ADAM12: variants seen among roughly 807,000 people sequenced by gnomAD.
ADAM12 encodes the protein disintegrin and metalloproteinase domain-containing protein 12.
In ADAM12, 70 loss-of-function variants were observed where a neutral mutation model predicts 106.4. The observed-to-expected ratio is 0.66, with a 90% confidence interval of 0.54 to 0.80. The LOEUF (loss-of-function observed/expected upper bound fraction) is 0.80, where lower values mean the gene tolerates loss of function less well. ADAM12 is among the 30% of genes least tolerant of loss of function. The pLI is 0.00. For synonymous variants in ADAM12, 420 were observed against 433.5 expected (o/e 0.97, Z 0.39); for missense variants, 1,010 against 1,171.9 (o/e 0.86, Z 2.02).
intron 12 of ADAM12, among the ~76,000 whole-genome samples, chr10:126,069,114 G>T (rs1954931775): frequency 6.6e-6 from 1 of 152,122 alleles, no homozygotes; most frequent in Non-Finnish European, 1.5e-5. Context: ...CTGAGCACTG[G>T]GTAGGGGGAT....
chr10:126,050,709 C>T (rs980035184), intron 14 of ADAM12, among the ~76,000 whole-genome samples: 1 of 152,206 alleles, frequency 6.6e-6, no homozygotes, highest in East Asian at 1.9e-4. Flanking sequence ...CATCCCCCTT[C>T]GTTAGCCTGC....
chr10:126,344,022 T>G (rs1465814697), intron 1 of ADAM12, among the ~76,000 whole-genome samples: 1 of 152,242 alleles, frequency 6.6e-6, no homozygotes, highest in Non-Finnish European at 1.5e-5. Flanking sequence ...GCTCTTTAGT[T>G]TAATTAGATC....
chr10:126,123,371 G>A (rs950578058), intron 5 of ADAM12, among the ~76,000 whole-genome samples: 26 of 152,186 alleles, frequency 1.7e-4, no homozygotes, highest in Admixed American at 1.2e-3. Context: ...TGGACTTTGC[G>A]TGTGGGGTTC....
chr10:126,214,556 C>T (rs1053667808), intron 3 of ADAM12, among the ~76,000 whole-genome samples: 2 of 152,136 alleles, frequency 1.3e-5, no homozygotes, highest in Non-Finnish European at 2.9e-5. Flanking sequence ...GTGGCTGCCT[C>T]TAAAAGAAGA....
chr10:126,202,279 T>G (rs1957716596), intron 3 of ADAM12, among the ~76,000 whole-genome samples: 1 of 152,242 alleles, frequency 6.6e-6, no homozygotes, highest in Non-Finnish European at 1.5e-5. Flanking sequence ...CCATAATTGT[T>G]GGTTAATTTG....
In ADAM12 at chr10:126,101,217, T is replaced by C. The variant is rs760859428; in HGVS notation, c.766A>G (p.Ile256Val). The change falls in exon 9 of 23, where the codon ATC becomes GTC. Residue 256 changes from isoleucine to valine, a missense_variant. Around this residue, in one of 3 missense-constraint regions of ADAM12, gnomAD observed 391 missense variants for 442.9 expected, o/e 0.88. Coordinates refer to ENST00000448723, the MANE Select transcript of ADAM12 (RefSeq NM_001288973.2). ...DKFYRPLNIR[I>V]VLVGVEVWND... ...CACACTTCCACGCCTACCAACACGA[T>C]CCGAATGTTCAGTGGTCTGTAAAAC... is the stretch of plus-strand genomic sequence containing the variant. 5 of 1,613,990 alleles carry C rather than the reference T, an allele frequency of 3.1e-6. No individual in the cohort carries two copies. The highest frequency in any genetic ancestry group is 4.2e-6 in the Non-Finnish European group (5 of 1,179,968).
intron 3 of ADAM12, among the ~76,000 whole-genome samples, chr10:126,247,594 A>G (rs796161305): frequency 1.1e-4 from 17 of 152,288 alleles, no homozygotes; most frequent in African/African-American, 3.9e-4. Flanking sequence ...AGTCATAAGG[A>G]CCCGATGGCA....
At chr10:126,343,130 T>C (rs1157994034) in intron 1 of ADAM12, among the ~76,000 whole-genome samples, 1 of 152,116 alleles carries the variant, frequency 6.6e-6, no homozygotes, top group African/African-American at 2.4e-5. Flanking sequence ...ACCCATTAAC[T>C]CGTCAGTCAT....
intron 14 of ADAM12, among the ~76,000 whole-genome samples, chr10:126,055,609 C>T (rs1329214731): frequency 1.3e-5 from 2 of 152,144 alleles, no homozygotes; most frequent in East Asian, 1.9e-4. Flanking sequence ...GGGTTTGTCT[C>T]ATGGGTTTAA....
chr10:126,159,081 G>A (rs370757888), intron 3 of ADAM12, among the ~76,000 whole-genome samples: 103 of 152,166 alleles, frequency 6.8e-4, no homozygotes, highest in African/African-American at 2.3e-3. Context: ...AGGCCAAGGC[G>A]GGCAGATCAC....
intron 4 of ADAM12, among the ~76,000 whole-genome samples, chr10:126,138,251 G>A (rs1956442685): frequency 6.6e-6 from 1 of 152,126 alleles, no homozygotes; most frequent in African/African-American, 2.4e-5. Flanking sequence ...GGATTTTGGT[G>A]TTTTTATTGT....
At chr10:126,240,851 G>A (rs1048256885) in intron 3 of ADAM12, among the ~76,000 whole-genome samples, 4 of 152,324 alleles carry the variant, frequency 2.6e-5, no homozygotes, top group East Asian at 3.9e-4. Context: ...AGAGCCCCCC[G>A]GGAGCTCCAC....
In ADAM12 at chr10:126,337,135, C is replaced by CCGT. The variant is rs146318255; in HGVS notation, c.89-6629_89-6627dup. Among the ~76,000 whole-genome samples the CCGT allele has an allele frequency of 6.2e-3, 949 of 152,310 alleles. 7 individuals are homozygous for CCGT. Among genetic ancestry groups the CCGT allele is most frequent in the African/African-American group, 0.022 (906 of 41,550 alleles). On this transcript the variant is annotated intron_variant, in intron 1 of 22. Coordinates refer to ENST00000448723, the MANE Select transcript of ADAM12 (RefSeq NM_001288973.2). ...TTACAAGGCGACGTCCCAGGACAGG[C>CCGT]CGTCTGCAAGCTGGGAAAGACAGAG...
intron 3 of ADAM12, among the ~76,000 whole-genome samples, chr10:126,264,443 CAT>C (rs1185729761): frequency 1.2e-4 from 18 of 152,332 alleles, no homozygotes; most frequent in African/African-American, 3.6e-4. Context: ...TATCTGACCA[CAT>C]GTTTTTCATA....
At position 126,330,489 on chromosome 10, in the gene ADAM12, C is replaced by G. The variant is rs1854472807; in HGVS notation, c.109G>C (p.Gly37Arg). 1 of 1,613,806 alleles carries G rather than the reference C, an allele frequency of 6.2e-7. No individual in the cohort carries two copies. Among genetic ancestry groups the G allele is most frequent in the African/African-American group, 1.3e-5 (1 of 74,924 alleles). The change falls in exon 2 of 23, where the codon GGA (glycine) becomes CGA (arginine). Residue 37 changes from glycine to arginine, a missense_variant. Gly to Arg is a moderately radical substitution (Grantham distance 125, BLOSUM62 -2). This residue lies in a region of ADAM12 where 391 missense variants were observed against 442.9 expected (regional missense o/e 0.88). Coordinates refer to ENST00000448723, the MANE Select transcript of ADAM12 (RefSeq NM_001288973.2). Reference protein sequence around the residue: ...EARGVSLWNQGRADEVVSASV... With the variant: ...EARGVSLWNQRRADEVVSASV... Reference sequence around the variant, plus strand: ...GCACTGACAACTTCATCAGCTCTTCCTTGGTTCCATAAGCTCACCCCTGAA... The same window carrying G: ...GCACTGACAACTTCATCAGCTCTTCGTTGGTTCCATAAGCTCACCCCTGAA...
At chr10:126,276,981 C>T (rs1045052795) in intron 3 of ADAM12, among the ~76,000 whole-genome samples, 4 of 152,002 alleles carry the variant, frequency 2.6e-5, no homozygotes, top group Non-Finnish European at 5.9e-5. Flanking sequence ...GACAACCAGA[C>T]GGGCTCTAAG....
Position 126,208,606 on chromosome 10 carries a change from G to A in ADAM12, c.261-53301C>T, listed in dbSNP as rs185669244. ...TTTACTTTTCAACGGCAGCTGACTGGCCATCAGGAAATCTATTTCATGTTT... is the reference window on the plus strand; with the variant it reads ...TTTACTTTTCAACGGCAGCTGACTGACCATCAGGAAATCTATTTCATGTTT... On this transcript the variant is annotated intron_variant, in intron 3 of 22. Coordinates refer to ENST00000448723, the MANE Select transcript of ADAM12 (RefSeq NM_001288973.2). 3.1e-4 allele frequency among the ~76,000 whole-genome samples: 47 copies of A among 152,294 alleles called. No individual in the cohort carries two copies. The East Asian group carries it at 8.9e-3, about 29-fold the overall frequency.
chr10:126,017,270 G>A lies in ADAM12; in HGVS notation c.*9C>T, dbSNP rs984802274. 6.3e-7 allele frequency: 1 copy of A among 1,588,480 alleles called. No homozygotes were observed. The highest frequency in any genetic ancestry group is 1.7e-4 in the Middle Eastern group (1 of 6,032). The stretch of plus-strand genomic sequence containing the variant: ...TCTGTCTTCACTGTTGAAAAAAGGT[G>A]TCGGCTTCTCACTTAATATAGGCGG... On this transcript the variant is annotated 3_prime_UTR_variant, in exon 23 of 23. Transcript: ENST00000448723.
chr10:126,196,739 T>C (rs770988850), intron 3 of ADAM12, among the ~76,000 whole-genome samples: 27 of 152,206 alleles, frequency 1.8e-4, no homozygotes, highest in Non-Finnish European at 7.3e-5. Flanking sequence ...GGTAACTGCC[T>C]GATTAGTTAT....
Sources: allele counts gnomAD v4.1 joint callset (sites outside exome capture counted in the v4.1 genomes callset), GRCh38; gene constraint gnomAD v4.1.1; regional missense constraint gnomAD v4.1.1; transcripts MANE v1.5; gene names NCBI Gene and HGNC (gene_info 2026-07-23, HGNC 2026-07-21).